The following KCNH7 variants were observed in gnomAD, a reference collection of about 807,000 sequenced individuals.
KCNH7 encodes potassium voltage-gated channel subfamily H member 7, also known as voltage-gated inwardly rectifying potassium channel KCNH7.
In KCNH7, 49 loss-of-function variants were observed where a neutral mutation model predicts 120.8. The observed-to-expected ratio is 0.41, with a 90% CI of 0.32 to 0.51. KCNH7 has a LOEUF of 0.51. Among genes scored for constraint, KCNH7 ranks in the 20% least tolerant of loss-of-function variants. The pLI is 0.38. For synonymous variants in KCNH7, 547 were observed against 516.1 expected, an observed-to-expected ratio of 1.06 and a Z score of -0.81; for missense variants, 1,097 against 1,446.6, an observed-to-expected ratio of 0.76 and a Z score of 3.92.
chr2:162,620,250 A>C (rs1683305498), intron 2 of KCNH7, among the ~76,000 whole-genome samples: 1 of 151,070 alleles, frequency 6.6e-6, no homozygotes, highest in Non-Finnish European at 1.5e-5. Flanking sequence ...TAATATAGAG[A>C]GAAATTTTTC....
chr2:162,628,670 A>T (rs1683645879), intron 2 of KCNH7, among the ~76,000 whole-genome samples: 1 of 151,612 alleles, frequency 6.6e-6, no homozygotes, highest in Non-Finnish European at 1.5e-5. Context: ...TTTAGCTCCC[A>T]CTTATACGTA....
chr2:162,821,508 A>G (rs1393559770), intron 2 of KCNH7, among the ~76,000 whole-genome samples: 1 of 152,218 alleles, frequency 6.6e-6, no homozygotes, highest in Non-Finnish European at 1.5e-5. Flanking sequence ...CTGGTTTGGA[A>G]AGCCTAAAAA....
intron 2 of KCNH7, among the ~76,000 whole-genome samples, chr2:162,624,898 T>G (rs201093724): frequency 7.1e-6 from 1 of 139,886 alleles, no homozygotes; most frequent in East Asian, 2.1e-4. Context: ...GGTTTTTTTT[T>G]TTTTTTTTTT....
chr2:162,533,420 A>C (rs886298586), intron 3 of KCNH7, among the ~76,000 whole-genome samples: 1 of 151,818 alleles, frequency 6.6e-6, no homozygotes, highest in Non-Finnish European at 1.5e-5. Flanking sequence ...GCATAAAAAC[A>C]GCACACTGTA....
chr2:162,560,540 T>C (rs1480331357), intron 2 of KCNH7, among the ~76,000 whole-genome samples: 1 of 152,176 alleles, frequency 6.6e-6, no homozygotes, highest in Non-Finnish European at 1.5e-5. Flanking sequence ...CAGAAGATAA[T>C]GTATCATGCC....
intron 2 of KCNH7, among the ~76,000 whole-genome samples, chr2:162,542,406 C>A (rs1345620849): frequency 8.2e-6 from 1 of 121,638 alleles, no homozygotes; most frequent in Non-Finnish European, 1.7e-5. Flanking sequence ...CCCCCTCCCC[C>A]CACCCCACAA....
chr2:162,785,811 A>G (rs1297371156), intron 2 of KCNH7, among the ~76,000 whole-genome samples: 1 of 152,154 alleles, frequency 6.6e-6, no homozygotes, highest in East Asian at 1.9e-4. Flanking sequence ...TTTTCAGGCA[A>G]GAGTCTATGA....
intron 2 of KCNH7, among the ~76,000 whole-genome samples, chr2:162,553,996 T>A (rs1692773292): frequency 6.6e-6 from 1 of 152,230 alleles, no homozygotes; most frequent in Non-Finnish European, 1.5e-5. Context: ...AAATGTTTCT[T>A]CTTTCACTTT....
chr2:162,428,068 A>G (rs969156225), intron 8 of KCNH7, among the ~76,000 whole-genome samples: 11 of 151,676 alleles, frequency 7.3e-5, no homozygotes, highest in African/African-American at 2.7e-4. Flanking sequence ...CTTGCCTTTT[A>G]CTAGCTTCTT....
chr2:162,695,792 G>A (rs1686267987), intron 2 of KCNH7, among the ~76,000 whole-genome samples: 1 of 152,092 alleles, frequency 6.6e-6, no homozygotes, highest in Non-Finnish European at 1.5e-5. Context: ...TTGAAGGAGA[G>A]TCAAATCCAA....
At chr2:162,786,348 TACTTAA>T (rs1683704824) in intron 2 of KCNH7, among the ~76,000 whole-genome samples, 1 of 151,864 alleles carries the variant, frequency 6.6e-6, no homozygotes, top group Non-Finnish European at 1.5e-5. Context: ...AACCCCTCCT[TACTTAA>T]ACTCCATTAT....
At chr2:162,397,659 G>C (rs1033661024) in intron 10 of KCNH7, among the ~76,000 whole-genome samples, 1 of 151,686 alleles carries the variant, frequency 6.6e-6, no homozygotes, top group East Asian at 1.9e-4. Flanking sequence ...GCTTTTCAAG[G>C]TCTTATTCCA....
intron 2 of KCNH7, among the ~76,000 whole-genome samples, chr2:162,787,231 T>C (rs1221842160): frequency 6.6e-6 from 1 of 151,974 alleles, no homozygotes; most frequent in Non-Finnish European, 1.5e-5. Context: ...TGGATTCAGA[T>C]CCCAGGTCAG....
At chr2:162,739,670 C>T (rs1272675023) in intron 2 of KCNH7, among the ~76,000 whole-genome samples, 2 of 152,162 alleles carry the variant, frequency 1.3e-5, no homozygotes, top group Non-Finnish European at 2.9e-5. Context: ...CTGAGTGAGA[C>T]CTGATCATTG....
chr2:162,815,259 T>G (rs1684878875), intron 2 of KCNH7, among the ~76,000 whole-genome samples: 1 of 152,192 alleles, frequency 6.6e-6, no homozygotes, highest in African/African-American at 2.4e-5. Flanking sequence ...AACTTAGCCT[T>G]CTATTGAAAC....
intron 9 of KCNH7, among the ~76,000 whole-genome samples, chr2:162,406,543 A>T (rs991330760): frequency 6.6e-6 from 1 of 152,002 alleles, no homozygotes; most frequent in African/African-American, 2.4e-5. Flanking sequence ...TTTCTGGGTC[A>T]TTAAATATAC....
At chr2:162,547,193 G>C in intron 2 of KCNH7, among the ~76,000 whole-genome samples, 1 of 152,150 alleles carries the variant, frequency 6.6e-6, no homozygotes, top group South Asian at 2.1e-4. Flanking sequence ...TTAGTCTCAT[G>C]AGACCAGCAT....
intron 2 of KCNH7, among the ~76,000 whole-genome samples, chr2:162,670,597 T>G (rs1574246462): frequency 6.6e-6 from 1 of 151,810 alleles, no homozygotes; most frequent in East Asian, 1.9e-4. Context: ...CATTGCCCTG[T>G]TATTGTTAAG....
At chr2:162,671,825 C>A (rs1222255167) in intron 2 of KCNH7, among the ~76,000 whole-genome samples, 2 of 152,048 alleles carry the variant, frequency 1.3e-5, no homozygotes, top group African/African-American at 4.8e-5. Context: ...TGTATTATTA[C>A]AAATAATATA....
Sources: gnomAD v4.1 joint callset for allele counts (sites outside exome capture counted in the v4.1 genomes callset) on GRCh38, gnomAD v4.1.1 for gene constraint, MANE v1.5 for transcripts, NCBI Gene and HGNC (gene_info 2026-07-23, HGNC 2026-07-21) for gene names.